Variants in EFCAB6 observed in about 807,000 individuals in gnomAD.
The protein encoded by EFCAB6 is EF-hand calcium binding domain 6, also known as EF-hand calcium-binding domain-containing protein 6.
Under a neutral mutation model 169.8 loss-of-function variants are expected in EFCAB6, and 156 were observed. The ratio of observed to expected loss-of-function variants is 0.92; its 90% confidence interval spans 0.81 to 1.05. The LOEUF (loss-of-function observed/expected upper bound fraction) is 1.05, where lower values mean the gene tolerates loss of function less well. Ranked by LOEUF, EFCAB6 falls within the 50% of genes least tolerant of loss-of-function variation. The pLI, the probability that EFCAB6 is intolerant of heterozygous loss-of-function variation, is 0.00. For synonymous variants in EFCAB6, 698 were observed against 676.4 expected, an observed-to-expected ratio of 1.03 and a Z score of -0.50; for missense variants, 1,800 against 1,829.1, an observed-to-expected ratio of 0.98 and a Z score of 0.29.
chr22:43,596,100 C>A (rs555114119), intron 23 of EFCAB6, among the ~76,000 whole-genome samples: 1 of 151,990 alleles, frequency 6.6e-6, no homozygotes. Context: ...AATACCTCAA[C>A]ACAATATAGG....
chr22:43,538,428 C>T (rs1276021833), intron 28 of EFCAB6, among the ~76,000 whole-genome samples: 2 of 152,214 alleles, frequency 1.3e-5, no homozygotes, highest in South Asian at 2.1e-4. Flanking sequence ...CTTGCTCTGT[C>T]GCCAGGCTGG....
At chr22:43,806,059 G>A (rs1054739880) in intron 2 of EFCAB6, among the ~76,000 whole-genome samples, 3 of 151,708 alleles carry the variant, frequency 2.0e-5, no homozygotes, top group South Asian at 2.1e-4. Flanking sequence ...CCAGCTACTC[G>A]GGAGGCTAAG....
chr22:43,685,067 C>T (rs1014496868), intron 11 of EFCAB6, among the ~76,000 whole-genome samples: 2 of 152,178 alleles, frequency 1.3e-5, no homozygotes, highest in Non-Finnish European at 2.9e-5. Flanking sequence ...AAGCCAAATT[C>T]TAGGCAAGGG....
At chr22:43,701,653 TTATC>T (rs994118516) in intron 10 of EFCAB6, among the ~76,000 whole-genome samples, 11 of 151,722 alleles carry the variant, frequency 7.3e-5, no homozygotes, top group Admixed American at 3.9e-4. Flanking sequence ...GGAAAATAGA[TTATC>T]TATTTGGAAA....
intron 26 of EFCAB6, among the ~76,000 whole-genome samples, chr22:43,559,231 C>T (rs1447316418): frequency 1.3e-5 from 2 of 152,124 alleles, no homozygotes; most frequent in Non-Finnish European, 2.9e-5. Flanking sequence ...CAAAAGAAGA[C>T]ATTTATGTGG....
chr22:43,650,565 G>A (rs2056418083), intron 17 of EFCAB6, among the ~76,000 whole-genome samples: 1 of 152,158 alleles, frequency 6.6e-6, no homozygotes, highest in Admixed American at 6.5e-5. Flanking sequence ...CCAGTAGAGT[G>A]GGGCATTGCT....
At chr22:43,605,953 G>C (rs1428592373) in intron 22 of EFCAB6, among the ~76,000 whole-genome samples, 2 of 152,170 alleles carry the variant, frequency 1.3e-5, no homozygotes, top group Non-Finnish European at 2.9e-5. Flanking sequence ...AATTTGCAAA[G>C]TGTCCTAGGA....
chr22:43,555,117 A>G, intron 26 of EFCAB6, 21 bp from the exon 27 acceptor site: 1 of 1,613,016 alleles, frequency 6.2e-7, no homozygotes, highest in South Asian at 1.1e-5. Flanking sequence ...TAGAATGGAA[A>G]TTGATCCATG....
At chr22:43,545,552 T>C (rs1421778374) in intron 27 of EFCAB6, among the ~76,000 whole-genome samples, 6 of 152,208 alleles carry the variant, frequency 3.9e-5, no homozygotes, top group Non-Finnish European at 7.4e-5. Flanking sequence ...CAAAAGCTAA[T>C]CCTGGGAGGC....
intron 19 of EFCAB6, among the ~76,000 whole-genome samples, chr22:43,630,256 C>T (rs973936907): frequency 3.3e-5 from 5 of 152,210 alleles, no homozygotes; most frequent in African/African-American, 7.2e-5. Context: ...GGACATAACC[C>T]GCATCCAGTC....
chr22:43,589,750 T>G (rs1388533423), intron 24 of EFCAB6, among the ~76,000 whole-genome samples: 1 of 152,136 alleles, frequency 6.6e-6, no homozygotes, highest in African/African-American at 2.4e-5. Flanking sequence ...ATCGCACCAC[T>G]GCACTCCAGC....
chr22:43,751,960 G>A (rs2060785680), intron 6 of EFCAB6, among the ~76,000 whole-genome samples: 1 of 152,128 alleles, frequency 6.6e-6, no homozygotes, highest in Admixed American at 6.6e-5. Context: ...CTCAGTGCTA[G>A]CTATTATTAC....
rs1403624017 is a variant in EFCAB6 at position 43,555,105 on chromosome 22, A to C, written c.3421-9T>G. ...GCCCACTCATCAGCTGTCTGGACAA[A>C]ATAGAATGGAAATTGATCCATGTGA... On this transcript the variant is annotated splice_polypyrimidine_tract_variant and intron_variant, in intron 26 of 31. Transcript: ENST00000262726. 4 of 1,613,774 alleles carry C rather than the reference A, an allele frequency of 2.5e-6. No homozygotes were observed. The highest frequency in any genetic ancestry group is 3.4e-6 in the Non-Finnish European group (4 of 1,179,836).
chr22:43,611,421 G>T (rs1452122417), intron 21 of EFCAB6, among the ~76,000 whole-genome samples: 1 of 152,106 alleles, frequency 6.6e-6, no homozygotes, highest in Non-Finnish European at 1.5e-5. Flanking sequence ...TGACCATACT[G>T]TCCAAAGCAA....
rs891195433 is a variant in EFCAB6 at position 43,680,228 on chromosome 22, T to C, written c.1252-2065A>G. On this transcript the variant is annotated intron_variant, in intron 12 of 31. Coordinates refer to ENST00000262726, the MANE Select transcript of EFCAB6 (RefSeq NM_022785.4). ...TAACAGATATTTTCCTTTCCCCCAC[T>C]GAATTTGTCAAAAATAAATGGACCA... Among the ~76,000 whole-genome samples the C allele has an allele frequency of 2.0e-5, 3 of 152,340 alleles. No homozygotes were observed. The East Asian group carries it at 5.8e-4, about 29-fold the overall frequency.
At chr22:43,674,466 T>C (rs908014030) in intron 13 of EFCAB6, among the ~76,000 whole-genome samples, 3 of 152,092 alleles carry the variant, frequency 2.0e-5, no homozygotes, top group Non-Finnish European at 4.4e-5. Context: ...GATGGTAACC[T>C]GGGTCACGAG....
intron 2 of EFCAB6, among the ~76,000 whole-genome samples, chr22:43,798,714 G>A (rs1196567303): frequency 6.6e-6 from 1 of 152,142 alleles, no homozygotes; most frequent in East Asian, 1.9e-4. Flanking sequence ...CAGAATGAAC[G>A]CATGAGTGGA....
intron 6 of EFCAB6, among the ~76,000 whole-genome samples, chr22:43,752,467 C>T (rs949432745): frequency 1.3e-5 from 2 of 152,206 alleles, no homozygotes; most frequent in Non-Finnish European, 2.9e-5. Flanking sequence ...TTTGTTCAGA[C>T]ATCCGCCCTT....
At chr22:43,599,785 G>C (rs371292130) in intron 23 of EFCAB6, among the ~76,000 whole-genome samples, 1 of 152,066 alleles carries the variant, frequency 6.6e-6, no homozygotes, top group Non-Finnish European at 1.5e-5. Context: ...GTGGCCAGGC[G>C]GTATGCCATC....
Sources: allele counts gnomAD v4.1 joint callset (sites outside exome capture counted in the v4.1 genomes callset), GRCh38; gene constraint gnomAD v4.1.1; transcripts MANE v1.5; gene names NCBI Gene and HGNC (gene_info 2026-07-23, HGNC 2026-07-21).